The following OSBP2 variants were observed in gnomAD, a reference collection of about 807,000 sequenced individuals.
OSBP2 encodes oxysterol-binding protein 2.
OSBP2 carries 66 observed loss-of-function variants against 96.0 expected under a neutral mutation model. The ratio of observed to expected loss-of-function variants is 0.69; its 90% confidence interval spans 0.56 to 0.84. The LOEUF is 0.84. OSBP2 is among the 40% of genes least tolerant of loss of function. The pLI is 0.00. For missense variants in OSBP2, 1,038 were observed against 1,222.7 expected (o/e 0.85, Z 2.25); for synonymous variants, 525 against 520.9 (o/e 1.01, Z -0.11).
chr22:30,895,776 T>TA (rs2147172991), intron 12 of OSBP2, among the ~76,000 whole-genome samples: 1 of 151,814 alleles, frequency 6.6e-6, no homozygotes, highest in African/African-American at 2.4e-5. Flanking sequence ...CCGTCTCTAC[T>TA]AAAATACAAA....
intron 1 of OSBP2, among the ~76,000 whole-genome samples, chr22:30,740,443 C>G (rs1017651744): frequency 1.3e-5 from 2 of 152,184 alleles, no homozygotes; most frequent in African/African-American, 4.8e-5. Context: ...ATTTCTAATC[C>G]TGTGGCTAAT....
At chr22:30,753,423 G>A (rs1443902951) in intron 2 of OSBP2, among the ~76,000 whole-genome samples, 1 of 152,176 alleles carries the variant, frequency 6.6e-6, no homozygotes, top group Non-Finnish European at 1.5e-5. Flanking sequence ...GGGCATCATA[G>A]TCAGACTGCA....
chr22:30,706,807 C>T (rs1475375391), intron 1 of OSBP2, among the ~76,000 whole-genome samples: 1 of 152,184 alleles, frequency 6.6e-6, no homozygotes, highest in African/African-American at 2.4e-5. Flanking sequence ...GCCAGAAGGA[C>T]CCCTCCTCAT....
intron 1 of OSBP2, among the ~76,000 whole-genome samples, chr22:30,713,875 A>G (rs1043544832): frequency 2.0e-5 from 3 of 152,238 alleles, no homozygotes; most frequent in Non-Finnish European, 4.4e-5. Context: ...TAGCATATCC[A>G]TCACCTCAAA....
chr22:30,701,761 TG>T (rs2089167282), intron 1 of OSBP2, among the ~76,000 whole-genome samples: 1 of 152,192 alleles, frequency 6.6e-6, no homozygotes, highest in Non-Finnish European at 1.5e-5. Flanking sequence ...CCTCACATAA[TG>T]GGCTGGATAC....
chr22:30,789,818 G>A (rs558925482), intron 2 of OSBP2, among the ~76,000 whole-genome samples: 174 of 152,146 alleles, frequency 1.1e-3, no homozygotes, highest in African/African-American at 4.1e-3. Flanking sequence ...TAAGAAGGAG[G>A]GTCTGCCCTT....
intron 2 of OSBP2, among the ~76,000 whole-genome samples, chr22:30,868,478 G>A (rs2039392788): frequency 6.6e-6 from 1 of 152,252 alleles, no homozygotes; most frequent in Non-Finnish European, 1.5e-5. Flanking sequence ...GCCTCTCAAT[G>A]GCCTTGCCAG....
intron 2 of OSBP2, among the ~76,000 whole-genome samples, chr22:30,775,434 C>T (rs139666904): frequency 1.8e-4 from 27 of 151,574 alleles, no homozygotes; most frequent in African/African-American, 6.3e-4. Flanking sequence ...ATGGTGATAG[C>T]CCTTCTCTAC....
chr22:30,741,151 C>T lies in OSBP2; in HGVS notation c.645-10C>T, dbSNP rs751065483. The T allele has an allele frequency of 6.2e-6, 10 of 1,609,376 alleles. No individual in the cohort carries two copies. The African/African-American group carries it at 8.0e-5, about 13-fold the overall frequency. On this transcript the variant is annotated splice_polypyrimidine_tract_variant and intron_variant, in intron 1 of 13. Coordinates refer to ENST00000332585, the MANE Select transcript of OSBP2 (RefSeq NM_030758.4). ...GAGCCTCACCCCATTCCTTCTCTTA[C>T]ATCCTACAGAAATCAGGGTGAAATG...
chr22:30,722,303 A>G (rs11913730), intron 1 of OSBP2, among the ~76,000 whole-genome samples: 7,450 of 152,284 alleles, frequency 0.049, 628 homozygotes, highest in African/African-American at 0.17. Context: ...TTCAAAATAT[A>G]CAAAAATGGA....
At chr22:30,770,865 T>G (rs1470942720) in intron 2 of OSBP2, among the ~76,000 whole-genome samples, 1 of 152,222 alleles carries the variant, frequency 6.6e-6, no homozygotes, top group East Asian at 1.9e-4. Context: ...AGCTTCAAAT[T>G]CTTAGGTAAG....
At chr22:30,843,368 T>C (rs1288258665) in intron 2 of OSBP2, among the ~76,000 whole-genome samples, 1 of 152,092 alleles carries the variant, frequency 6.6e-6, no homozygotes, top group African/African-American at 2.4e-5. Flanking sequence ...GTCCAGTATT[T>C]TGCAAGCTTC....
intron 2 of OSBP2, among the ~76,000 whole-genome samples, chr22:30,859,026 C>G (rs1422316564): frequency 1.3e-5 from 2 of 152,090 alleles, no homozygotes. Context: ...GCAGATGCAG[C>G]CCCTACCCCT....
intron 12 of OSBP2, among the ~76,000 whole-genome samples, chr22:30,900,623 G>C (rs1602444418): frequency 2.0e-5 from 3 of 151,984 alleles, no homozygotes. Context: ...CCCAGAAACA[G>C]ACCCATGGAT....
intron 1 of OSBP2, among the ~76,000 whole-genome samples, chr22:30,707,968 A>C (rs1049780585): frequency 6.6e-6 from 1 of 151,082 alleles, no homozygotes; most frequent in African/African-American, 2.4e-5. Flanking sequence ...GCTCACTGCA[A>C]CCTCTACTTC....
intron 1 of OSBP2, among the ~76,000 whole-genome samples, chr22:30,729,867 TCG>T (rs892633203): frequency 3.3e-5 from 5 of 152,206 alleles, no homozygotes; most frequent in South Asian, 4.1e-4. Context: ...AGCCAGGCTC[TCG>T]TGGACTTCAG....
intron 2 of OSBP2, among the ~76,000 whole-genome samples, chr22:30,865,116 C>T (rs1169225804): frequency 1.3e-5 from 2 of 152,206 alleles, no homozygotes; most frequent in African/African-American, 4.8e-5. Context: ...CACCTGGCTC[C>T]CCTGCGCTAG....
rs1246511650 is a variant in OSBP2 at position 30,695,325 on chromosome 22, C to T, written c.416C>T (p.Pro139Leu). The change falls in exon 1 of 14, where the codon CCC becomes CTC. Residue 139 changes from proline (P) to leucine (L), a missense_variant. Pro to Leu is a moderately conservative substitution (Grantham distance 98). This residue lies in a region of OSBP2 where 281 missense variants were observed against 273.4 expected (regional missense o/e 1.03). Coordinates refer to ENST00000332585, the MANE Select transcript of OSBP2 (RefSeq NM_030758.4). ...GTGGGGAGCGCGACCTTTCTCAGAC[C>T]CGAGTCAGGATCGCTGCCAGCGTTA... Reference protein sequence around the residue: ...RAVGSATFLRPESGSLPALKP... With the variant: ...RAVGSATFLRLESGSLPALKP... 2 of 1,613,594 alleles carry T rather than the reference C, an allele frequency of 1.2e-6. No individual in the cohort carries two copies. The highest frequency in any genetic ancestry group is 2.2e-5 in the East Asian group (1 of 44,870).
chr22:30,787,184 A>G (rs1012227523), intron 2 of OSBP2, among the ~76,000 whole-genome samples: 1 of 152,160 alleles, frequency 6.6e-6, no homozygotes, highest in African/African-American at 2.4e-5. Context: ...TAAGTAATTT[A>G]TAAAGGAAAG....
Sources: gnomAD v4.1 joint callset for allele counts (sites outside exome capture counted in the v4.1 genomes callset) on GRCh38, gnomAD v4.1.1 for gene constraint, gnomAD v4.1.1 regional missense constraint, MANE v1.5 for transcripts, NCBI Gene and HGNC (gene_info 2026-07-23, HGNC 2026-07-21) for gene names.